PBRM1: variants seen among roughly 807,000 people sequenced by gnomAD.
PBRM1 encodes protein polybromo-1.
A neutral mutation model predicts 194.5 loss-of-function variants in PBRM1; 27 were observed. The observed-to-expected ratio is 0.14, with a 90% confidence interval of 0.10 to 0.19. The LOEUF (loss-of-function observed/expected upper bound fraction) is 0.19, where lower values mean the gene tolerates loss of function less well. Ranked by LOEUF, PBRM1 falls within the 10% of genes least tolerant of loss-of-function variation. PBRM1 has a pLI of 1.00. For synonymous variants in PBRM1, 655 were observed against 693.2 expected, an observed-to-expected ratio of 0.94 and a Z score of 0.87; for missense variants, 1,466 against 2,077.2, an observed-to-expected ratio of 0.71 and a Z score of 5.72.
At chr3:52,581,356 A>C (rs1331867509) in intron 20 of PBRM1, among the ~76,000 whole-genome samples, 1 of 152,154 alleles carries the variant, frequency 6.6e-6, no homozygotes, top group Admixed American at 6.6e-5. Context: ...TTAAAGATAC[A>C]AAAATTAGCC....
At position 52,552,124 on chromosome 3, in the gene PBRM1, G is replaced by A. The variant is rs537244209; in HGVS notation, c.4610-1307C>T. On this transcript the variant is annotated intron_variant, in intron 27 of 29. Coordinates refer to ENST00000296302, the Ensembl canonical transcript of PBRM1. ...ATGATTATTCGTGAATGAATGAAGA[G>A]GTTGTGGTGGGTAAGCTGGTGCCCC... 2.0e-5 allele frequency among the ~76,000 whole-genome samples: 3 copies of A among 152,314 alleles called. No individual in the cohort carries two copies. The East Asian group carries it at 5.8e-4, about 29-fold the overall frequency.
intron 18 of PBRM1, among the ~76,000 whole-genome samples, chr3:52,588,552 C>CTTTTTTTTTTTT (rs36058575): frequency 1.8e-5 from 2 of 110,118 alleles, no homozygotes. Context: ...GTATTTCTTT[C>CTTTTTTTTTTTT]TTTTTTTTTT....
chr3:52,571,152 G>A (rs1424002486), intron 22 of PBRM1, among the ~76,000 whole-genome samples: 1 of 152,044 alleles, frequency 6.6e-6, no homozygotes, highest in African/African-American at 2.4e-5. Context: ...GTGAAATGCT[G>A]TCTCTACTAA....
At chr3:52,556,935 T>G (rs1177780060) in intron 26 of PBRM1, among the ~76,000 whole-genome samples, 2 of 152,124 alleles carry the variant, frequency 1.3e-5, no homozygotes, top group Non-Finnish European at 1.5e-5. Flanking sequence ...GCTGTTTTTT[T>G]TTTTTTTTTA....
intron 13 of PBRM1, among the ~76,000 whole-genome samples, chr3:52,626,346 A>G (rs1039442189): frequency 6.6e-6 from 1 of 152,244 alleles, no homozygotes; most frequent in Non-Finnish European, 1.5e-5. Context: ...GCTATCTATA[A>G]GAAGGAAAGC....
At chr3:52,559,314 T>C (rs2082899420) in intron 25 of PBRM1, among the ~76,000 whole-genome samples, 1 of 152,186 alleles carries the variant, frequency 6.6e-6, no homozygotes, top group South Asian at 2.1e-4. Flanking sequence ...ACTCTGCATC[T>C]CCAGAGCCGG....
intron 8 of PBRM1, 32 bp from the exon 10 acceptor site, chr3:52,643,375 C>T: frequency 7.0e-7 from 1 of 1,435,158 alleles, no homozygotes; most frequent in Non-Finnish European, 9.8e-7. Flanking sequence ...AGCTTAGAAA[C>T]TTGGTAGCTG....
At chr3:52,631,220 C>T (rs1280494133) in intron 11 of PBRM1, among the ~76,000 whole-genome samples, 1 of 152,026 alleles carries the variant, frequency 6.6e-6, no homozygotes, top group African/African-American at 2.4e-5. Flanking sequence ...CCTGTAATCC[C>T]AGCACTTTGG....
intron 8 of PBRM1, 39 bp from the exon 10 acceptor site, chr3:52,643,382 G>T: frequency 7.5e-7 from 1 of 1,331,172 alleles, no homozygotes; most frequent in Non-Finnish European, 1.1e-6. Context: ...AAACTTGGTA[G>T]CTGAAATTAG....
intron 3 of PBRM1, among the ~76,000 whole-genome samples, chr3:52,662,855 A>C (rs1486987447): frequency 1.3e-5 from 2 of 151,580 alleles, no homozygotes; most frequent in Admixed American, 6.6e-5. Flanking sequence ...CAAAAAACCC[A>C]AAAAAACTAA....
chr3:52,644,825 C>T (rs2153733291), intron 7 of PBRM1, 36 bp from the exon 9 acceptor site: 2 of 1,039,374 alleles, frequency 1.9e-6, no homozygotes, highest in South Asian at 1.3e-5. Flanking sequence ...AAAAAAGGAA[C>T]AGATAAAAGG....
chr3:52,580,361 T>C (rs2090803987), intron 20 of PBRM1, among the ~76,000 whole-genome samples: 1 of 152,018 alleles, frequency 6.6e-6, no homozygotes, highest in Non-Finnish European at 1.5e-5. Context: ...TTTTTTGTTG[T>C]TGTTGTTGTT....
chr3:52,567,201 TGGA>T (rs1238677312), intron 22 of PBRM1, among the ~76,000 whole-genome samples: 14 of 152,198 alleles, frequency 9.2e-5, no homozygotes, highest in African/African-American at 3.1e-4. Flanking sequence ...TAATATGTCT[TGGA>T]GGTCACGGCT....
intron 11 of PBRM1, among the ~76,000 whole-genome samples, chr3:52,633,600 A>T (rs1214576945): frequency 6.6e-6 from 1 of 152,310 alleles, no homozygotes; most frequent in African/African-American, 2.4e-5. Context: ...TGTTTTCCAC[A>T]GCGTCTATAC....
rs2153422853 is a variant in PBRM1 at position 52,609,710 on chromosome 3, T to C, written c.2170A>G (p.Met724Val). 6.2e-7 allele frequency: 1 copy of C among 1,612,578 alleles called. No homozygotes were observed. Reference sequence around the variant, plus strand: ...AACATCATGACAAAGTCCTCAACCATAGAGTCAATATCTTGGTACTTGTTG... The same window carrying C: ...AACATCATGACAAAGTCCTCAACCACAGAGTCAATATCTTGGTACTTGTTG... The change falls in exon 16 of 30, where the codon ATG becomes GTG. Residue 724 changes from methionine (M) to valine (V), a missense_variant. This residue lies in a region of PBRM1 where 687 missense variants were observed against 946.2 expected (regional missense o/e 0.73). Coordinates refer to ENST00000296302, the Ensembl canonical transcript of PBRM1. This position sits in a 1 kb window ranked among gnomAD's most constrained non-coding sequence, Gnocchi z 4.1.
At chr3:52,662,226 A>C in exon 4 of PBRM1, 1 of 1,613,908 alleles carries the variant, frequency 6.2e-7, no homozygotes. Flanking sequence ...TTCTTGTTCG[A>C]AGGTACAAAT....
At chr3:52,592,423 C>T (rs2093174710) in intron 17 of PBRM1, among the ~76,000 whole-genome samples, 1 of 152,152 alleles carries the variant, frequency 6.6e-6, no homozygotes, top group Non-Finnish European at 1.5e-5. Context: ...TGAGCCACCA[C>T]ACCTGGCTGT....
At chr3:52,605,853 G>A (rs997651629) in intron 16 of PBRM1, among the ~76,000 whole-genome samples, 5 of 151,994 alleles carry the variant, frequency 3.3e-5, no homozygotes, top group African/African-American at 9.6e-5. Flanking sequence ...TCCGCCCGCC[G>A]TGGCCTCCCA....
At chr3:52,580,594 C>A (rs965589062) in intron 20 of PBRM1, among the ~76,000 whole-genome samples, 12 of 152,110 alleles carry the variant, frequency 7.9e-5, no homozygotes, top group African/African-American at 2.9e-4. Flanking sequence ...GATCTCCTGA[C>A]TTCGTGATCC....
Sources: gnomAD v4.1 joint callset for allele counts (sites outside exome capture counted in the v4.1 genomes callset) on GRCh38, gnomAD v4.1.1 for gene constraint, gnomAD v4.1.1 regional missense constraint, Gnocchi (gnomAD v3.1) non-coding constraint, MANE v1.5 for transcripts, NCBI Gene and HGNC (gene_info 2026-07-23, HGNC 2026-07-21) for gene names.